Variants in PLAUR observed in about 807,000 individuals in gnomAD.
The protein encoded by PLAUR is urokinase plasminogen activator surface receptor.
In PLAUR, 22 loss-of-function variants were observed where a neutral mutation model predicts 33.4. That is an observed-to-expected ratio of 0.66 (90% CI 0.47 to 0.94). PLAUR has a LOEUF of 0.94. Ranked by LOEUF, PLAUR falls within the 40% of genes least tolerant of loss-of-function variation. The probability of loss-of-function intolerance (pLI) is 0.00; values close to 1 mark genes in which losing one functional copy is unlikely to be tolerated. For synonymous variants in PLAUR, 148 were observed against 167.3 expected (o/e 0.88, Z 0.89); for missense variants, 408 against 434.7 (o/e 0.94, Z 0.55).
intron 3 of PLAUR, among the ~76,000 whole-genome samples, chr19:43,662,134 G>A: frequency 6.6e-6 from 1 of 152,086 alleles, no homozygotes; most frequent in East Asian, 1.9e-4. Flanking sequence ...CCCCCAAGTT[G>A]GTTTCCCCTC....
At chr19:43,664,734 G>A (rs141571727) in intron 3 of PLAUR, among the ~76,000 whole-genome samples, 319 of 152,266 alleles carry the variant, frequency 2.1e-3, no homozygotes, top group African/African-American at 7.1e-3. Context: ...CCTTAAGAAC[G>A]TCAAGTCTTT....
At chr19:43,646,473 T>C (rs1218736638), downstream of PLAUR, 1 of 718,228 alleles carries the variant, frequency 1.4e-6, no homozygotes, top group Non-Finnish European at 2.6e-6. Flanking sequence ...ATGAGTAGCT[T>C]GGGCTTCCTC....
At chr19:43,658,393 G>A (rs1215799851) in intron 3 of PLAUR, among the ~76,000 whole-genome samples, 3 of 152,106 alleles carry the variant, frequency 2.0e-5, no homozygotes, top group African/African-American at 7.2e-5. Context: ...GCCACTCCAG[G>A]GTTTTTGACC....
chr19:43,652,143 T>C (rs1974017966), intron 6 of PLAUR, 82 bp downstream of exon 6: 1 of 1,572,170 alleles, frequency 6.4e-7, no homozygotes, highest in Non-Finnish European at 8.7e-7. Flanking sequence ...CACAGTTAAC[T>C]CCAGCTTAAC....
At chr19:43,650,188 T>A (rs1568550798) in intron 6 of PLAUR, among the ~76,000 whole-genome samples, 1 of 151,506 alleles carries the variant, frequency 6.6e-6, no homozygotes, top group East Asian at 1.9e-4. Context: ...TTTTTGTATT[T>A]CTAGTAGAGA....
Position 43,648,997 on chromosome 19 carries a change from G to A in PLAUR, c.901C>T (p.Gln301Ter). Residue 301 changes from glutamine to a stop codon, truncating the protein, a stop_gained, in exon 7 of 7, where the codon CAG becomes TAG. Coordinates refer to ENST00000340093, the MANE Select transcript of PLAUR (RefSeq NM_002659.4). LOFTEE classifies it low-confidence loss of function (END_TRUNC). Reference protein sequence around the residue: ...SGCNHPDLDVQYRSGAAPQPG... With the variant: ...SGCNHPDLDV ...TGAGGAGCAGCCCCACTGCGGTACT[G>A]GACATCCAGGTCTGGGTGGTTACAG... The A allele has an allele frequency of 6.2e-7, 1 of 1,614,192 alleles. No homozygotes were observed. The highest frequency in any genetic ancestry group is 8.5e-7 in the Non-Finnish European group (1 of 1,180,006).
intron 3 of PLAUR, chr19:43,665,037 C>T: frequency 4.4e-6 from 2 of 451,348 alleles, no homozygotes; most frequent in Non-Finnish European, 8.1e-6. Flanking sequence ...GGGGTTGGAA[C>T]TGTGCTTGGA....
downstream of PLAUR, among the ~76,000 whole-genome samples, chr19:43,647,808 A>AAAAAGAAAAGAAAAG (rs4251935): frequency 3.3e-4 from 50 of 151,964 alleles, no homozygotes; most frequent in African/African-American, 1.2e-3. Context: ...TCCATCTCAA[A>AAAAAGAAAAGAAAAG]AAAAGAAAAG....
intron 1 of PLAUR, 76 bp downstream of exon 1, chr19:43,669,990 A>G: frequency 5.0e-6 from 7 of 1,396,604 alleles, no homozygotes; most frequent in Non-Finnish European, 7.0e-6. Flanking sequence ...CATTCCTCCA[A>G]CTCATCCTCT....
chr19:43,648,699 C>T lies in PLAUR; in HGVS notation c.*191G>A. On this transcript the variant is annotated 3_prime_UTR_variant, in exon 7 of 7. Transcript: ENST00000340093. ...CAAGAGCTCTCCCATTGGCCCACGG[C>T]CTTCCTCCAGCTTTTCTCTTCTGCT... is the stretch of plus-strand genomic sequence containing the variant. 1.2e-6 allele frequency: 1 copy of T among 805,414 alleles called. No individual in the cohort carries two copies. The highest frequency in any genetic ancestry group is 1.9e-6 in the Non-Finnish European group (1 of 540,364). 49.9% of individuals were successfully genotyped at this position (805,414 alleles called of 1,614,324 possible).
downstream of PLAUR, among the ~76,000 whole-genome samples, chr19:43,647,613 C>T (rs1359747379): frequency 2.0e-5 from 3 of 152,006 alleles, no homozygotes; most frequent in African/African-American, 7.2e-5. Context: ...TTGAGACCAG[C>T]CTGAACAACA....
At position 43,665,409 on chromosome 19, in the gene PLAUR, T is replaced by A; in HGVS notation, c.217A>T (p.Thr73Ser). 1.2e-6 allele frequency: 2 copies of A among 1,613,482 alleles called. No individual in the cohort carries two copies. Among genetic ancestry groups the A allele is most frequent in the Non-Finnish European group, 1.7e-6 (2 of 1,179,870 alleles). Reference sequence around the variant, plus strand: ...GTCCGATAGCTCAGGGTCCTGTTGGTCTTCTCTGAGTGGGTACAGCTTTTC... The same window carrying A: ...GTCCGATAGCTCAGGGTCCTGTTGGACTTCTCTGAGTGGGTACAGCTTTTC... ...VEKSCTHSEKTNRTLSYRTGL... is the reference protein window; with the variant it reads ...VEKSCTHSEKSNRTLSYRTGL... The change falls in exon 3 of 7, where the codon ACC becomes TCC. Residue 73 changes from threonine to serine, a missense_variant. Thr to Ser is a moderately conservative substitution (Grantham distance 58). Coordinates refer to ENST00000340093, the MANE Select transcript of PLAUR (RefSeq NM_002659.4).
chr19:43,649,277 A>AG lies in PLAUR; in HGVS notation c.755-135dup, dbSNP rs1973892654. ...AGAGAAAGCAGCAGTTCTCAGGGCCAGGTGTGGTGGCTCATGCCTGTAATC... is the reference window on the plus strand; with the variant it reads ...AGAGAAAGCAGCAGTTCTCAGGGCCAGGGTGTGGTGGCTCATGCCTGTAATC... On this transcript the variant is annotated intron_variant, in intron 6 of 6. Transcript: ENST00000340093. 34 of 995,476 alleles carry AG rather than the reference A, an allele frequency of 3.4e-5. 1 individual carries two copies. In the South Asian group the frequency reaches 4.9e-4, roughly 14 times the overall value. The allele number at this position is 995,476 out of a possible 1,614,324, so 61.7% of individuals were successfully genotyped here.
intron 5 of PLAUR, among the ~76,000 whole-genome samples, chr19:43,653,628 C>T (rs1319985569): frequency 6.6e-6 from 1 of 151,150 alleles, no homozygotes; most frequent in Non-Finnish European, 1.5e-5. Context: ...CACTGCCCTC[C>T]AGCCTGGCTG....
intron 5 of PLAUR, 128 bp from the exon 6 acceptor site, chr19:43,652,499 C>A: frequency 1.1e-6 from 1 of 876,922 alleles, no homozygotes; most frequent in African/African-American, 1.7e-5. Flanking sequence ...GGTCAGGCGT[C>A]TGAATGGCAT....
intron 3 of PLAUR, chr19:43,656,893 A>G (rs1974237282): frequency 6.0e-6 from 2 of 335,206 alleles, no homozygotes; most frequent in African/African-American, 4.6e-5. Flanking sequence ...GTCACCCCCT[A>G]CTCACCCCAG....
intron 5 of PLAUR, among the ~76,000 whole-genome samples, chr19:43,653,287 T>C (rs953914779): frequency 6.6e-6 from 1 of 152,196 alleles, no homozygotes; most frequent in African/African-American, 2.4e-5. Context: ...ATAGGGAACA[T>C]TTCTATCTGT....
rs533258807 is a variant in PLAUR, at chr19:43,654,125, G to GA, written c.607+1313dup. ...GGCAACAGCGCAAGACTCCATCTCA[G>GA]AAAAAAAAAAAAAATGTAGCTGGGT... On this transcript the variant is annotated intron_variant, in intron 5 of 6. Coordinates refer to ENST00000340093, the MANE Select transcript of PLAUR (RefSeq NM_002659.4). 8.0e-3 allele frequency among the ~76,000 whole-genome samples: 1,080 copies of GA among 135,554 alleles called. 38 individuals carry two copies. In the East Asian group the frequency reaches 0.12, roughly 15 times the overall value. The allele number at this position is 135,554 out of a possible 152,430, so 88.9% of individuals were successfully genotyped here. A position where few individuals can be genotyped will look rare whatever the true frequency, so the allele number is the denominator to read the frequency against.
chr19:43,663,300 TACACAC>T (rs59542257), intron 3 of PLAUR, among the ~76,000 whole-genome samples: 11,652 of 131,740 alleles, frequency 0.088, 586 homozygotes, highest in Admixed American at 0.11. Flanking sequence ...CTGTCACCCC[TACACAC>T]ACACACACAC....
Sources: gnomAD v4.1 joint callset for allele counts (sites outside exome capture counted in the v4.1 genomes callset) on GRCh38, gnomAD v4.1.1 for gene constraint, MANE v1.5 for transcripts, NCBI Gene and HGNC (gene_info 2026-07-23, HGNC 2026-07-21) for gene names.